The following BCKDHB variants were observed in gnomAD, a reference collection of about 807,000 sequenced individuals.
The protein encoded by BCKDHB is 2-oxoisovalerate dehydrogenase subunit beta, mitochondrial.
A neutral mutation model predicts 48.5 loss-of-function variants in BCKDHB; 41 were observed. The ratio of observed to expected loss-of-function variants is 0.85; its 90% CI spans 0.66 to 1.10. The LOEUF is 1.10. BCKDHB is among the 50% of genes least tolerant of loss of function. The pLI, the probability that BCKDHB is intolerant of heterozygous loss-of-function variation, is 0.00. For synonymous variants in BCKDHB, 201 were observed against 174.8 expected (o/e 1.15, Z -1.18); for missense variants, 496 against 494.2 (o/e 1.00, Z -0.03).
chr6:80,212,120 G>A (rs536973624), intron 8 of BCKDHB, among the ~76,000 whole-genome samples: 15 of 152,270 alleles, frequency 9.9e-5, no homozygotes, highest in Non-Finnish European at 1.9e-4. Context: ...GTTCAGCAGT[G>A]CACCTGTTGT....
chr6:80,461,242 C>G, the BCKDHB span, among the ~76,000 whole-genome samples: 1 of 152,138 alleles, frequency 6.6e-6, no homozygotes, highest in African/African-American at 2.4e-5. Flanking sequence ...TCCTATTCTT[C>G]CTGTTTCCAT....
the BCKDHB span, among the ~76,000 whole-genome samples, chr6:80,416,770 T>A: frequency 5.4e-3 from 645 of 120,304 alleles, 2 homozygotes; most frequent in Non-Finnish European, 1.0e-2. Context: ...TTATTTTTAT[T>A]TTTATTTTTT....
At chr6:80,459,585 G>A in the BCKDHB span, among the ~76,000 whole-genome samples, 2 of 151,936 alleles carry the variant, frequency 1.3e-5, no homozygotes, top group Non-Finnish European at 2.9e-5. Flanking sequence ...ACAATGTACT[G>A]TATGCTTAAA....
chr6:80,374,637 CCATTTA>C, the BCKDHB span: 1 of 506,604 alleles, frequency 2.0e-6, no homozygotes. Flanking sequence ...AGCATTTAGG[CCATTTA>C]CATTCAATGT....
chr6:80,194,006 T>C (rs1389016365), intron 6 of BCKDHB, among the ~76,000 whole-genome samples: 1 of 152,188 alleles, frequency 6.6e-6, no homozygotes, highest in Non-Finnish European at 1.5e-5. Context: ...AATATCCTCA[T>C]TTTCTTCATT....
At chr6:80,189,616 G>A (rs1247023942) in intron 6 of BCKDHB, among the ~76,000 whole-genome samples, 1 of 152,108 alleles carries the variant, frequency 6.6e-6, no homozygotes, top group East Asian at 1.9e-4. Flanking sequence ...ATATATAACT[G>A]TGTGTTGAGC....
the BCKDHB span, among the ~76,000 whole-genome samples, chr6:80,380,283 A>T: frequency 2.0e-5 from 3 of 151,990 alleles, no homozygotes; most frequent in Non-Finnish European, 4.4e-5. Context: ...ATAAAGTCAT[A>T]TACCTATAAC....
At chr6:80,143,116 T>C (rs186018264) in intron 3 of BCKDHB, among the ~76,000 whole-genome samples, 1 of 152,284 alleles carries the variant, frequency 6.6e-6, no homozygotes, top group Admixed American at 6.5e-5. Flanking sequence ...TCTCCCATCC[T>C]GTTTTGTTCA....
At chr6:80,147,561 A>G (rs1316350315) in intron 3 of BCKDHB, among the ~76,000 whole-genome samples, 1 of 152,202 alleles carries the variant, frequency 6.6e-6, no homozygotes, top group African/African-American at 2.4e-5. Context: ...AATTTAAAAC[A>G]TAACTGTGGT....
intron 8 of BCKDHB, among the ~76,000 whole-genome samples, chr6:80,251,450 A>G (rs1307869596): frequency 6.6e-6 from 1 of 152,196 alleles, no homozygotes. Flanking sequence ...ATATGGGAAA[A>G]AGGCAAAATT....
chr6:80,161,691 T>C (rs2037721258), intron 3 of BCKDHB, among the ~76,000 whole-genome samples: 1 of 152,138 alleles, frequency 6.6e-6, no homozygotes, highest in African/African-American at 2.4e-5. Context: ...CTTCTCAGCT[T>C]CTTATCCTTT....
intron 9 of BCKDHB, among the ~76,000 whole-genome samples, chr6:80,313,612 C>T (rs1447967561): frequency 1.3e-5 from 2 of 152,190 alleles, no homozygotes; most frequent in Non-Finnish European, 1.5e-5. Context: ...CTGCCCACCT[C>T]AGCCTCCCAA....
rs568454784 is a variant in BCKDHB at position 80,129,066 on chromosome 6, A to G, written c.275-95A>G. On this transcript the variant is annotated intron_variant, in intron 2 of 9. Coordinates refer to ENST00000320393, the MANE Select transcript of BCKDHB (RefSeq NM_183050.4). ...ATCTATGGTCCATTTATCTTTTGTG[A>G]TTTAAAATGTAAACATTTAAATTAC... 4.1e-6 allele frequency: 4 copies of G among 983,938 alleles called. No homozygotes were observed. In the South Asian group the frequency reaches 6.1e-5, roughly 15 times the overall value. 61.0% of individuals were successfully genotyped at this position (983,938 alleles called of 1,614,324 possible).
intron 9 of BCKDHB, among the ~76,000 whole-genome samples, chr6:80,310,083 C>CT (rs57078654): frequency 0.032 from 4,581 of 142,588 alleles, 82 homozygotes; most frequent in East Asian, 0.056. Context: ...ACAACATTTT[C>CT]TTTTTTTTTT....
intron 9 of BCKDHB, among the ~76,000 whole-genome samples, chr6:80,292,561 T>C (rs188239548): frequency 6.6e-6 from 1 of 152,236 alleles, no homozygotes; most frequent in Non-Finnish European, 1.5e-5. Flanking sequence ...CAATTCAAGA[T>C]GAGATTTGAG....
intron 9 of BCKDHB, among the ~76,000 whole-genome samples, chr6:80,330,958 A>G (rs900682928): frequency 1.3e-5 from 2 of 152,140 alleles, no homozygotes; most frequent in African/African-American, 2.4e-5. Flanking sequence ...TTTTGCATTT[A>G]TTTGCAAAGC....
At chr6:80,404,634 T>C in the BCKDHB span, among the ~76,000 whole-genome samples, 1 of 152,024 alleles carries the variant, frequency 6.6e-6, no homozygotes, top group Non-Finnish European at 1.5e-5. Flanking sequence ...TTCTTTATCT[T>C]CTTCCATAAG....
chr6:80,208,103 T>C (rs1423749349), intron 8 of BCKDHB, among the ~76,000 whole-genome samples: 1 of 151,792 alleles, frequency 6.6e-6, no homozygotes, highest in Admixed American at 6.6e-5. Context: ...CTTAAAAAAT[T>C]CCAAAAGCTT....
At chr6:80,157,623 AC>A (rs1269576320) in intron 3 of BCKDHB, among the ~76,000 whole-genome samples, 1 of 150,354 alleles carries the variant, frequency 6.7e-6, no homozygotes, top group Non-Finnish European at 1.5e-5. Context: ...GTGCCACCAC[AC>A]CTGGCTAATT....
Sources: allele counts gnomAD v4.1 joint callset (sites outside exome capture counted in the v4.1 genomes callset), GRCh38; gene constraint gnomAD v4.1.1; transcripts MANE v1.5; gene names NCBI Gene and HGNC (gene_info 2026-07-23, HGNC 2026-07-21).